The following CCNY variants were observed in gnomAD, a reference collection of about 807,000 sequenced individuals.
CCNY encodes cyclin Y, also known as cyclin-Y.
In CCNY, 19 loss-of-function variants were observed where a neutral mutation model predicts 42.8. The ratio of observed to expected loss-of-function variants is 0.44; its 90% CI spans 0.31 to 0.65. The LOEUF is 0.65. CCNY is among the 30% of genes least tolerant of loss of function. The pLI, the probability that CCNY is intolerant of heterozygous loss-of-function variation, is 0.07. For synonymous variants in CCNY, 165 were observed against 162.7 expected (o/e 1.01, Z -0.11); for missense variants, 370 against 437.3 (o/e 0.85, Z 1.37).
chr10:35,307,196 G>C (rs1392960505), intron 3 of CCNY, among the ~76,000 whole-genome samples: 2 of 152,148 alleles, frequency 1.3e-5, no homozygotes, highest in African/African-American at 4.8e-5. Context: ...CGGGTTAAGC[G>C]AGTTTATAAA....
chr10:35,570,176 T>C lies in CCNY; in HGVS notation c.*1006T>C, dbSNP rs1473017504. On this transcript the variant is annotated 3_prime_UTR_variant, in exon 10 of 10. Coordinates refer to ENST00000374704, the MANE Select transcript of CCNY (RefSeq NM_145012.6). ...TTCTTCTCAATTTTTATATGTTTAC[T>C]TTAAATCAAAGTTAGTCTATTTGTA... is the stretch of plus-strand genomic sequence containing the variant. The C allele has an allele frequency of 6.5e-6, 1 of 152,740 alleles. No homozygotes were observed. Among genetic ancestry groups the C allele is most frequent in the African/African-American group, 2.4e-5 (1 of 41,462 alleles). 9.5% of individuals were successfully genotyped at this position (152,740 alleles called of 1,614,324 possible).
intron 3 of CCNY, among the ~76,000 whole-genome samples, chr10:35,263,751 G>A (rs1030764560): frequency 2.0e-5 from 3 of 152,050 alleles, no homozygotes; most frequent in African/African-American, 7.3e-5. Context: ...AGGTAAACAC[G>A]TGCCATGGTT....
At chr10:35,543,582 A>T (rs543982923) in intron 7 of CCNY, among the ~76,000 whole-genome samples, 1 of 152,242 alleles carries the variant, frequency 6.6e-6, no homozygotes. Context: ...TCAGACATGT[A>T]AAAGTCTAGC....
At chr10:35,308,773 C>A (rs142421539) in intron 3 of CCNY, among the ~76,000 whole-genome samples, 1 of 152,070 alleles carries the variant, frequency 6.6e-6, no homozygotes, top group East Asian at 1.9e-4. Context: ...AGCAGCCATG[C>A]GGATGTGACC....
At chr10:35,274,341 T>C (rs1835212648) in intron 3 of CCNY, among the ~76,000 whole-genome samples, 1 of 152,160 alleles carries the variant, frequency 6.6e-6, no homozygotes, top group Admixed American at 6.5e-5. Flanking sequence ...CACATGGGAA[T>C]TATGGGAGCT....
chr10:35,491,186 C>T (rs930247559), intron 2 of CCNY, among the ~76,000 whole-genome samples: 4 of 152,208 alleles, frequency 2.6e-5, no homozygotes, highest in African/African-American at 9.6e-5. Context: ...TTAGGCAAGG[C>T]TCTAGGACCC....
Position 35,406,435 on chromosome 10 carries a change from A to ACGAGCATGCTGCCTTCAAG in CCNY, c.154+69231_154+69249dup, listed in dbSNP as rs1837773807. ...GACTAGGGAGTGGTGATGACTCTCAACGAGCATGCTGCCTTCAAGCGTCTG... is the reference window on the plus strand; with the variant it reads ...GACTAGGGAGTGGTGATGACTCTCAACGAGCATGCTGCCTTCAAGCGAGCATGCTGCCTTCAAGCGTCTG... On this transcript the variant is annotated intron_variant, in intron 1 of 9. Coordinates refer to ENST00000374704, the MANE Select transcript of CCNY (RefSeq NM_145012.6). Among the ~76,000 whole-genome samples, 3 of 151,830 alleles carry ACGAGCATGCTGCCTTCAAG rather than the reference A, an allele frequency of 2.0e-5. No individual in the cohort carries two copies. The South Asian group carries it at 6.2e-4, about 31-fold the overall frequency.
intron 1 of CCNY, among the ~76,000 whole-genome samples, chr10:35,432,401 A>G (rs1325257774): frequency 1.3e-5 from 2 of 152,232 alleles, no homozygotes; most frequent in Admixed American, 1.3e-4. Flanking sequence ...AGATTTTGTA[A>G]GTAAATGACC....
chr10:35,457,666 C>T (rs1363764579), intron 1 of CCNY, among the ~76,000 whole-genome samples: 2 of 151,870 alleles, frequency 1.3e-5, no homozygotes, highest in Admixed American at 1.3e-4. Flanking sequence ...ATGCAAGCTT[C>T]ACCTCCCAGG....
chr10:35,384,842 G>A (rs747643703), intron 1 of CCNY, among the ~76,000 whole-genome samples: 77 of 152,132 alleles, frequency 5.1e-4, no homozygotes, highest in Non-Finnish European at 4.0e-4. Flanking sequence ...CAGGCCTGCC[G>A]TCTGAGAATT....
intron 3 of CCNY, chr10:35,327,549 T>C (rs1835894379): frequency 6.6e-6 from 1 of 152,218 alleles, no homozygotes; most frequent in Non-Finnish European, 1.5e-5. Context: ...AGAAAACTGT[T>C]AGCAGGAGTA....
intron 2 of CCNY, among the ~76,000 whole-genome samples, chr10:35,492,243 C>T (rs1226807892): frequency 2.6e-5 from 4 of 152,238 alleles, no homozygotes; most frequent in African/African-American, 7.2e-5. Flanking sequence ...TTTCACCCTT[C>T]TTGTGGGTCC....
At chr10:35,410,238 T>G (rs1295435111) in intron 1 of CCNY, among the ~76,000 whole-genome samples, 1 of 151,916 alleles carries the variant, frequency 6.6e-6, no homozygotes, top group East Asian at 1.9e-4. Context: ...AAAAATAGTT[T>G]TACGTTTCAA....
chr10:35,447,954 T>C (rs1373926994), intron 1 of CCNY, among the ~76,000 whole-genome samples: 1 of 152,214 alleles, frequency 6.6e-6, no homozygotes, highest in Non-Finnish European at 1.5e-5. Context: ...AGGCTGTGCT[T>C]TGCCGTTCAT....
intron 1 of CCNY, among the ~76,000 whole-genome samples, chr10:35,424,974 G>A (rs1448134670): frequency 6.6e-6 from 1 of 152,188 alleles, no homozygotes; most frequent in African/African-American, 2.4e-5. Flanking sequence ...TTCTGCCTCT[G>A]AGAACCTGCT....
intron 3 of CCNY, among the ~76,000 whole-genome samples, chr10:35,271,607 C>T (rs1417284446): frequency 6.6e-6 from 1 of 152,170 alleles, no homozygotes; most frequent in Admixed American, 6.5e-5. Flanking sequence ...TAAAGTGCAG[C>T]CTGACTGCTG....
In CCNY at chr10:35,451,589, C is replaced by T. The variant is rs545507504; in HGVS notation, c.155-31815C>T. Among the ~76,000 whole-genome samples, 252 of 152,110 alleles carry T rather than the reference C, an allele frequency of 1.7e-3. 1 individual carries two copies. Among genetic ancestry groups the T allele is most frequent in the Non-Finnish European group, 3.2e-3 (218 of 68,026 alleles). On this transcript the variant is annotated intron_variant, in intron 1 of 9. Coordinates refer to ENST00000374704, the MANE Select transcript of CCNY (RefSeq NM_145012.6). ...TCTTTTGTTGGTGCTTTTGTGAGGG[C>T]CAATTCTGTATGGCACTAGACAGAG...
chr10:35,497,800 A>G (rs1840031720), intron 2 of CCNY, among the ~76,000 whole-genome samples: 1 of 151,572 alleles, frequency 6.6e-6, no homozygotes, highest in African/African-American at 2.4e-5. Context: ...TGCTCCTGCT[A>G]GCTTAGGGGA....
At chr10:35,363,183 C>T (rs1264362850) in intron 1 of CCNY, among the ~76,000 whole-genome samples, 2 of 141,322 alleles carry the variant, frequency 1.4e-5, no homozygotes, top group Non-Finnish European at 3.1e-5. Flanking sequence ...ACTTCCCCGA[C>T]GGGGCGGCAG....
Sources: allele counts gnomAD v4.1 joint callset (sites outside exome capture counted in the v4.1 genomes callset), GRCh38; gene constraint gnomAD v4.1.1; transcripts MANE v1.5; gene names NCBI Gene and HGNC (gene_info 2026-07-23, HGNC 2026-07-21).